UBN2: variants seen among roughly 807,000 people sequenced by gnomAD.
UBN2 encodes ubinuclein-2.
In UBN2, 35 loss-of-function variants were observed where a neutral mutation model predicts 120.2. The ratio of observed to expected loss-of-function variants is 0.29; its 90% CI spans 0.22 to 0.39. The LOEUF (loss-of-function observed/expected upper bound fraction) is 0.39, where lower values mean the gene tolerates loss of function less well. Ranked by LOEUF, UBN2 falls within the 10% of genes least tolerant of loss-of-function variation. The probability of loss-of-function intolerance (pLI) is 1.00; values close to 1 mark genes in which losing one functional copy is unlikely to be tolerated. For synonymous variants in UBN2, 661 were observed against 648.7 expected, an observed-to-expected ratio of 1.02 and a Z score of -0.29; for missense variants, 1,693 against 1,663.2, an observed-to-expected ratio of 1.02 and a Z score of -0.31.
At chr7:139,309,887 C>T (rs943946082), downstream of UBN2, among the ~76,000 whole-genome samples, 1 of 152,096 alleles carries the variant, frequency 6.6e-6, no homozygotes, top group Non-Finnish European at 1.5e-5. Context: ...TACATACATG[C>T]ATTAGAAAAT....
At chr7:139,261,806 G>GT in intron 6 of UBN2, 65 bp downstream of exon 6, 1 of 1,496,392 alleles carries the variant, frequency 6.7e-7, no homozygotes, top group Non-Finnish European at 8.9e-7. Context: ...GCTTTTGTTC[G>GT]TTTGTTTTTA....
At chr7:139,326,124 T>C in the UBN2 span, among the ~76,000 whole-genome samples, 1 of 152,060 alleles carries the variant, frequency 6.6e-6, no homozygotes, top group African/African-American at 2.4e-5. Flanking sequence ...GGCGTGGTGG[T>C]GTGTACCTGT....
rs147459339 is a variant in UBN2, at chr7:139,289,548, A to G, written c.3670-3684A>G. On this transcript the variant is annotated intron_variant, in intron 15 of 17. Coordinates refer to ENST00000473989, the MANE Select transcript of UBN2 (RefSeq NM_173569.4). ...CTGCCTCAGCCTCCAAGTACCTGGG[A>G]TTACAGGCAGACGCCACCATGCCCA... Among the ~76,000 whole-genome samples the G allele has an allele frequency of 1.3e-4, 20 of 151,314 alleles. No homozygotes were observed. The East Asian group carries it at 3.8e-3, about 28-fold the overall frequency.
Position 139,283,474 on chromosome 7 carries a change from A to G in UBN2, c.2569A>G (p.Ile857Val), listed in dbSNP as rs756685950. The change falls in exon 15 of 18, where the codon ATT (isoleucine) becomes GTT (valine). Residue 857 changes from isoleucine (I) to valine (V), a missense_variant. This residue lies in a region of UBN2 where 837 missense variants were observed against 817.6 expected (regional missense o/e 1.02). Transcript: ENST00000473989. ...TCATACTGGCATCTCTTCAGGCCTTATTGCTGGTTCTTCCATTCAGAACCC... is the reference window on the plus strand; with the variant it reads ...TCATACTGGCATCTCTTCAGGCCTTGTTGCTGGTTCTTCCATTCAGAACCC... The part of the protein sequence containing the change: ...LAHTGISSGL[I>V]AGSSIQNPKV... 1.2e-6 allele frequency: 2 copies of G among 1,614,084 alleles called. No individual in the cohort carries two copies. The highest frequency in any genetic ancestry group is 2.2e-5 in the South Asian group (2 of 91,078).
chr7:139,266,249 A>G (rs1797096597), intron 6 of UBN2, 84 bp from the exon 7 acceptor site: 1 of 899,412 alleles, frequency 1.1e-6, no homozygotes, highest in South Asian at 1.6e-5. Flanking sequence ...AAAAAAAGAA[A>G]AAAACCTTTG....
chr7:139,310,535 C>G (rs1054425107), downstream of UBN2, among the ~76,000 whole-genome samples: 1 of 152,090 alleles, frequency 6.6e-6, no homozygotes, highest in African/African-American at 2.4e-5. Flanking sequence ...CTTTGGGAGG[C>G]CAAGGGAGGC....
At chr7:139,292,135 T>C (rs760934278) in intron 15 of UBN2, among the ~76,000 whole-genome samples, 31 of 151,946 alleles carry the variant, frequency 2.0e-4, no homozygotes, top group Non-Finnish European at 4.1e-4. Flanking sequence ...GTGCCTGTAG[T>C]CTTAGCTACT....
intron 8 of UBN2, among the ~76,000 whole-genome samples, chr7:139,271,999 A>C (rs1327629305): frequency 6.6e-6 from 1 of 152,210 alleles, no homozygotes; most frequent in East Asian, 1.9e-4. Context: ...TACAAGTAGA[A>C]TACAATGATT....
At chr7:139,315,837 G>T in the UBN2 span, among the ~76,000 whole-genome samples, 1 of 152,054 alleles carries the variant, frequency 6.6e-6, no homozygotes, top group African/African-American at 2.4e-5. Context: ...AGCACTTTGG[G>T]GGGCAGAGGC....
At chr7:139,253,692 A>C (rs1017149221) in intron 3 of UBN2, among the ~76,000 whole-genome samples, 18 of 152,346 alleles carry the variant, frequency 1.2e-4, no homozygotes, top group African/African-American at 3.6e-4. Context: ...CCCCTTGATC[A>C]CATAACAAAT....
downstream of UBN2, among the ~76,000 whole-genome samples, chr7:139,310,235 G>A (rs1798429768): frequency 6.6e-6 from 1 of 150,608 alleles, no homozygotes; most frequent in South Asian, 2.1e-4. Context: ...GCTGAAGTGG[G>A]AGGATCACTT....
At chr7:139,237,151 T>TAATAAACTGATCAC in intron 2 of UBN2, 54 bp downstream of exon 2, 31 of 1,348,314 alleles carry the variant, frequency 2.3e-5, no homozygotes, top group Non-Finnish European at 2.9e-5. Flanking sequence ...ACCTGTTTGC[T>TAATAAACTGATCAC]TTCTGTGGCT....
intron 12 of UBN2, 80 bp from the exon 13 acceptor site, chr7:139,279,238 C>T: frequency 9.1e-7 from 1 of 1,094,292 alleles, no homozygotes; most frequent in Non-Finnish European, 1.4e-6. Context: ...TTATTTACCA[C>T]ATAATTACAA....
In UBN2 at chr7:139,304,031, C is replaced by T. The variant is rs1373367449; in HGVS notation, c.*6195C>T. On this transcript the variant is annotated 3_prime_UTR_variant, in exon 18 of 18. Coordinates refer to ENST00000473989, the MANE Select transcript of UBN2 (RefSeq NM_173569.4). ...TTTTCCATCTTCTCAGTCTAATTTC[C>T]TTTTATTGCTTGTTTGAGGACGGAT... 2.0e-5 allele frequency: 3 copies of T among 152,094 alleles called. No individual in the cohort carries two copies. The highest frequency in any genetic ancestry group is 4.8e-5 in the African/African-American group (2 of 41,400). 9.4% of individuals were successfully genotyped at this position (152,094 alleles called of 1,614,324 possible).
chr7:139,231,905 T>C lies in UBN2; in HGVS notation c.421T>C (p.Cys141Arg). The C allele has an allele frequency of 6.3e-7, 1 of 1,587,052 alleles. No homozygotes were observed. The highest frequency in any genetic ancestry group is 8.5e-7 in the Non-Finnish European group (1 of 1,172,586). Residue 141 changes from cysteine (C) to arginine (R), a missense_variant, in exon 1 of 18, where the codon TGC (cysteine) becomes CGC (arginine). This residue lies in a region of UBN2 where 663 missense variants were observed against 591.2 expected (regional missense o/e 1.12). Coordinates refer to ENST00000473989, the MANE Select transcript of UBN2 (RefSeq NM_173569.4). ...LVLKDPTDESCVEFSYPELLL... is the reference protein window; with the variant it reads ...LVLKDPTDESRVEFSYPELLL... ...GCTTAAGGACCCCACCGACGAGAGC[T>C]GCGTGGAGTTCAGTTACCCGGAGCT...
In UBN2 at chr7:139,231,402, C is replaced by T; in HGVS notation, c.-83C>T. ...TGGAGGGAAGAAAAGCGACAGAGAG[C>T]AAGAGGAAGGGCGGGCAGGCACGCA... On this transcript the variant is annotated 5_prime_UTR_variant, in exon 1 of 18. It introduces an in-frame stop codon into an upstream open reading frame of the 5' UTR. Transcript: ENST00000473989. 1.8e-6 allele frequency: 2 copies of T among 1,135,548 alleles called. No individual in the cohort carries two copies. Among genetic ancestry groups the T allele is most frequent in the Non-Finnish European group, 2.2e-6 (2 of 891,326 alleles). The allele number at this position is 1,135,548 out of a possible 1,614,324, so 70.3% of individuals were successfully genotyped here.
the UBN2 span, among the ~76,000 whole-genome samples, chr7:139,328,832 C>G: frequency 6.7e-6 from 1 of 150,062 alleles, no homozygotes; most frequent in Non-Finnish European, 1.5e-5. Flanking sequence ...CCACTGCACT[C>G]CACAACAGAC....
In UBN2 at chr7:139,231,661, C is replaced by A. The variant is rs1796014389; in HGVS notation, c.177C>A (p.Pro59=). ...AEPPAPREPA[P]RSDAQPPSRE... is the part of the protein sequence containing the mutation. ...CGCCGGCCCCGCGGGAGCCTGCCCCCCGCTCGGACGCGCAGCCCCCGTCGC... is the reference window on the plus strand; with the variant it reads ...CGCCGGCCCCGCGGGAGCCTGCCCCACGCTCGGACGCGCAGCCCCCGTCGC... Residue 59 remains proline, a synonymous_variant, in exon 1 of 18, where the codon CCC becomes CCA. Coordinates refer to ENST00000473989, the MANE Select transcript of UBN2 (RefSeq NM_173569.4). 3 of 1,198,218 alleles carry A rather than the reference C, an allele frequency of 2.5e-6. No homozygotes were observed. The South Asian group carries it at 1.2e-4, about 48-fold the overall frequency. The allele number at this position is 1,198,218 out of a possible 1,614,324, so 74.2% of individuals were successfully genotyped here.
At chr7:139,275,379 T>C (rs926294986) in intron 11 of UBN2, among the ~76,000 whole-genome samples, 1 of 149,876 alleles carries the variant, frequency 6.7e-6, no homozygotes, top group Non-Finnish European at 1.5e-5. Context: ...GTCAGGAGAT[T>C]GAGACCATCC....
Sources: gnomAD v4.1 joint callset for allele counts (sites outside exome capture counted in the v4.1 genomes callset) on GRCh38, gnomAD v4.1.1 for gene constraint, gnomAD v4.1.1 regional missense constraint, MANE v1.5 for transcripts, NCBI Gene and HGNC (gene_info 2026-07-23, HGNC 2026-07-21) for gene names.